Variants in GNL2 observed in about 807,000 individuals in gnomAD.
GNL2 encodes the protein nucleolar GTP-binding protein 2.
GNL2 carries 51 observed loss-of-function variants against 92.3 expected under a neutral mutation model. That is an observed-to-expected ratio of 0.55 (90% confidence interval 0.44 to 0.70). The LOEUF (loss-of-function observed/expected upper bound fraction) is 0.70, where lower values mean the gene tolerates loss of function less well. Among genes scored for constraint, GNL2 ranks in the 30% least tolerant of loss-of-function variants. GNL2 has a pLI of 0.00. For synonymous variants in GNL2, 283 were observed against 300.6 expected (o/e 0.94, Z 0.61); for missense variants, 844 against 895.6 (o/e 0.94, Z 0.74).
rs760534262 is a variant in GNL2, at chr1:37,576,576, A to T, written c.910-20T>A. 2.5e-6 allele frequency: 4 copies of T among 1,611,040 alleles called. No individual in the cohort carries two copies. The highest frequency in any genetic ancestry group is 2.5e-6 in the Non-Finnish European group (3 of 1,178,638). On this transcript the variant is annotated intron_variant, in intron 8 of 15. Transcript: ENST00000373062. ...GTGCAACTGTTCAAAGAGAGAATAC[A>T]CAGCACATACATGCAGTCATATATA...
chr1:37,572,936 G>C (rs1643617369), intron 12 of GNL2, among the ~76,000 whole-genome samples: 1 of 152,034 alleles, frequency 6.6e-6, no homozygotes. Context: ...AACTGATATG[G>C]AAAAAAATTA....
rs530449424 is a variant in GNL2 at position 37,575,322 on chromosome 1, G to A, written c.1143+273C>T. Among the ~76,000 whole-genome samples the A allele has an allele frequency of 1.3e-5, 2 of 152,270 alleles. No homozygotes were observed. Among genetic ancestry groups the A allele is most frequent in the South Asian group, 2.1e-4 (1 of 4,824 alleles). On this transcript the variant is annotated intron_variant, in intron 10 of 15. Transcript: ENST00000373062. The surrounding 1 kb of genome is among the most constrained non-coding windows in gnomAD (Gnocchi z 4.1). ...CATAAACCCACGAAGACGAATTATC[G>A]CTAAGCATAAACAGGCCCTGCTTCC...
At chr1:37,582,755 T>C (rs1368844751) in intron 7 of GNL2, 23 bp downstream of exon 7, 1 of 1,587,688 alleles carries the variant, frequency 6.3e-7, no homozygotes, top group Admixed American at 1.7e-5. Context: ...AATAGTCTAT[T>C]CTGGTTTAGT....
At chr1:37,581,528 G>C (rs1368688040) in intron 8 of GNL2, 1 of 455,996 alleles carries the variant, frequency 2.2e-6, no homozygotes, top group Non-Finnish European at 4.4e-6. Flanking sequence ...GCAGAGCGTG[G>C]AACGTCAGGT....
chr1:37,581,585 G>C (rs1174813706), intron 8 of GNL2: 2 of 451,778 alleles, frequency 4.4e-6, no homozygotes, highest in Admixed American at 4.8e-5. Context: ...ACGGATGGGG[G>C]CAAAGGCTGA....
In GNL2 at chr1:37,582,362, G is replaced by A. The variant is rs190035628; in HGVS notation, c.796-26C>T. The A allele has an allele frequency of 2.8e-6, 4 of 1,404,512 alleles. No individual in the cohort carries two copies. In the Admixed American group the frequency reaches 5.4e-5, roughly 19 times the overall value. The allele number at this position is 1,404,512 out of a possible 1,614,324, so 87.0% of individuals were successfully genotyped here. ...CTAGAAGGAGAGATGAAAACATTTT[G>A]GTAAACTGCAGTACATTTATTTACA... On this transcript the variant is annotated intron_variant, in intron 7 of 15. Coordinates refer to ENST00000373062, the MANE Select transcript of GNL2 (RefSeq NM_013285.3).
At chr1:37,592,371 T>C (rs987691838) in intron 3 of GNL2, among the ~76,000 whole-genome samples, 5 of 152,172 alleles carry the variant, frequency 3.3e-5, no homozygotes, top group African/African-American at 1.2e-4. Context: ...GAAGGATATA[T>C]GCACAAAACC....
chr1:37,567,597 A>G (rs1170359280), intron 15 of GNL2, 76 bp downstream of exon 15: 1 of 1,012,210 alleles, frequency 9.9e-7, no homozygotes, highest in Non-Finnish European at 1.6e-6. Context: ...GCTCTGGACC[A>G]TTTGTTTCAG....
In GNL2 at chr1:37,575,440, C is replaced by T. The variant is rs1643662828; in HGVS notation, c.1143+155G>A. On this transcript the variant is annotated intron_variant, in intron 10 of 15. Coordinates refer to ENST00000373062, the MANE Select transcript of GNL2 (RefSeq NM_013285.3). This position sits in a 1 kb window ranked among gnomAD's most constrained non-coding sequence, Gnocchi z 4.1. ...CCACTAATTCCTCAAACAGCTTATGCTGAGAGGCTGCTGTTCAGCATCATG... is the reference window on the plus strand; with the variant it reads ...CCACTAATTCCTCAAACAGCTTATGTTGAGAGGCTGCTGTTCAGCATCATG... Among the ~76,000 whole-genome samples the T allele has an allele frequency of 6.6e-6, 1 of 152,208 alleles. No homozygotes were observed. The highest frequency in any genetic ancestry group is 6.5e-5 in the Admixed American group (1 of 15,284).
In GNL2 at chr1:37,568,260, A is replaced by G; in HGVS notation, c.1951+15T>C. On this transcript the variant is annotated intron_variant, in intron 14 of 15. Transcript: ENST00000373062. ...TGCAAATTACATCTAAATGATTGAA[A>G]TAATTTAACTTCACCTCTGTCATCT... The G allele has an allele frequency of 6.7e-7, 1 of 1,501,410 alleles. No homozygotes were observed. Among genetic ancestry groups the G allele is most frequent in the Non-Finnish European group, 9.3e-7 (1 of 1,077,724 alleles). 93.0% of individuals were successfully genotyped at this position (1,501,410 alleles called of 1,614,324 possible).
rs893725493 is a variant in GNL2 at position 37,595,927 on chromosome 1, A to T, written c.-105T>A. Reference sequence around the variant, plus strand: ...AAGACACCCGCCTGAACCACGCCGGACCACGTGTGCACGACGTACGTCACT... The same window carrying T: ...AAGACACCCGCCTGAACCACGCCGGTCCACGTGTGCACGACGTACGTCACT... On this transcript the variant is annotated 5_prime_UTR_variant, in exon 1 of 16. Coordinates refer to ENST00000373062, the MANE Select transcript of GNL2 (RefSeq NM_013285.3). 1.1e-6 allele frequency: 1 copy of T among 891,782 alleles called. No homozygotes were observed. Among genetic ancestry groups the T allele is most frequent in the Admixed American group, 1.9e-5 (1 of 53,098 alleles). The allele number at this position is 891,782 out of a possible 1,614,324, so 55.2% of individuals were successfully genotyped here. A position where few individuals can be genotyped will look rare whatever the true frequency, so the allele number is the denominator to read the frequency against.
At chr1:37,578,636 C>T (rs1035084282) in intron 8 of GNL2, among the ~76,000 whole-genome samples, 12 of 151,890 alleles carry the variant, frequency 7.9e-5, no homozygotes, top group African/African-American at 2.2e-4. Flanking sequence ...CAGCTCTCTG[C>T]GGCCTCTGTC....
In GNL2 at chr1:37,590,767, T is replaced by G. The variant is rs759309484; in HGVS notation, c.323A>C (p.Lys108Thr). Residue 108 changes from lysine to threonine, a missense_variant, in exon 4 of 16, where the codon AAA becomes ACA. Lys to Thr is a moderately conservative substitution (Grantham distance 78). Coordinates refer to ENST00000373062, the MANE Select transcript of GNL2 (RefSeq NM_013285.3). Reference sequence around the variant, plus strand: ...TAACTTGCTTTGCTTCATGACAACTTTGTATGGATCCTTCATAACTGTATC... The same window carrying G: ...TAACTTGCTTTGCTTCATGACAACTGTGTATGGATCCTTCATAACTGTATC... ...EMDTVMKDPYKVVMKQSKLPM... is the reference protein window; with the variant it reads ...EMDTVMKDPYTVVMKQSKLPM... 6.2e-7 allele frequency: 1 copy of G among 1,611,604 alleles called. No individual in the cohort carries two copies. Among genetic ancestry groups the G allele is most frequent in the Admixed American group, 1.7e-5 (1 of 59,986 alleles).
chr1:37,587,082 C>T (rs1341869677), intron 5 of GNL2, among the ~76,000 whole-genome samples: 1 of 152,074 alleles, frequency 6.6e-6, no homozygotes, highest in Non-Finnish European at 1.5e-5. Flanking sequence ...GCCTGGGCAA[C>T]ACGGTGAAAC....
intron 3 of GNL2, among the ~76,000 whole-genome samples, chr1:37,591,570 A>C (rs1643888034): frequency 6.6e-6 from 1 of 150,708 alleles, no homozygotes; most frequent in Admixed American, 6.6e-5. Flanking sequence ...CAGTGGCACA[A>C]TCTCAGCTCA....
rs144182716 is a variant in GNL2 at position 37,578,135 on chromosome 1, C to T, written c.910-1579G>A. Reference sequence around the variant, plus strand: ...GACACTGGTATCTACAGGATGTCCTCCCAACAAAAAATTTGGGTCCCAGTC... The same window carrying T: ...GACACTGGTATCTACAGGATGTCCTTCCAACAAAAAATTTGGGTCCCAGTC... On this transcript the variant is annotated intron_variant, in intron 8 of 15. Coordinates refer to ENST00000373062, the MANE Select transcript of GNL2 (RefSeq NM_013285.3). Among the ~76,000 whole-genome samples the T allele has an allele frequency of 2.3e-3, 355 of 152,168 alleles. 1 individual carries two copies. The highest frequency in any genetic ancestry group is 7.9e-3 in the African/African-American group (329 of 41,522).
chr1:37,591,504 CTTTTT>C (rs34721968), intron 3 of GNL2, among the ~76,000 whole-genome samples: 1 of 135,026 alleles, frequency 7.4e-6, no homozygotes, highest in Non-Finnish European at 1.6e-5. Context: ...TATATTTACT[CTTTTT>C]TTTTTTTTTT....
chr1:37,576,744 G>A (rs546061104), intron 8 of GNL2, among the ~76,000 whole-genome samples, 188 bp from the exon 9 acceptor site: 18 of 152,340 alleles, frequency 1.2e-4, no homozygotes, highest in South Asian at 2.1e-4. Flanking sequence ...TAATAAATCA[G>A]AGGTGAGTCA....
chr1:37,593,746 A>G lies in GNL2; in HGVS notation c.149+16T>C. Reference sequence around the variant, plus strand: ...CATGAAGGAAAAGAGAAAGGATGACAGCACCCAGTGCTCACCTGCGCTCCT... The same window carrying G: ...CATGAAGGAAAAGAGAAAGGATGACGGCACCCAGTGCTCACCTGCGCTCCT... On this transcript the variant is annotated intron_variant, in intron 2 of 15. Transcript: ENST00000373062. 6 of 1,581,476 alleles carry G rather than the reference A, an allele frequency of 3.8e-6. No homozygotes were observed. The highest frequency in any genetic ancestry group is 5.2e-6 in the Non-Finnish European group (6 of 1,150,594).
Sources: gnomAD v4.1 joint callset for allele counts (sites outside exome capture counted in the v4.1 genomes callset) on GRCh38, gnomAD v4.1.1 for gene constraint, Gnocchi (gnomAD v3.1) non-coding constraint, MANE v1.5 for transcripts, NCBI Gene and HGNC (gene_info 2026-07-23, HGNC 2026-07-21) for gene names.